ARHGAP24: variants seen among roughly 807,000 people sequenced by gnomAD.
ARHGAP24 encodes rho GTPase-activating protein 24.
ARHGAP24 carries 50 observed loss-of-function variants against 76.4 expected under a neutral mutation model. That is an observed-to-expected ratio of 0.65 (90% confidence interval 0.52 to 0.83). The LOEUF (loss-of-function observed/expected upper bound fraction) is 0.83. Ranked by LOEUF, ARHGAP24 falls within the 40% of genes least tolerant of loss-of-function variation. The pLI, the probability that ARHGAP24 is intolerant of heterozygous loss-of-function variation, is 0.00. For missense variants in ARHGAP24, 930 were observed against 914.2 expected (o/e 1.02, Z -0.22); for synonymous variants, 345 against 323.3 (o/e 1.07, Z -0.72).
chr4:85,930,377 T>G, intron 4 of ARHGAP24: 1 of 986,942 alleles, frequency 1.0e-6, no homozygotes, highest in African/African-American at 1.7e-5. Context: ...AAATCTATCA[T>G]GCACTGAAAT....
At chr4:85,658,636 G>A (rs770884615) in intron 2 of ARHGAP24, among the ~76,000 whole-genome samples, 28 of 152,156 alleles carry the variant, frequency 1.8e-4, no homozygotes, top group Non-Finnish European at 3.7e-4. Context: ...CCAACATTTA[G>A]ACTAATTTTA....
chr4:85,997,511 A>G (rs1740749986), intron 9 of ARHGAP24, among the ~76,000 whole-genome samples: 1 of 152,168 alleles, frequency 6.6e-6, no homozygotes, highest in African/African-American at 2.4e-5. Context: ...ATAGGTAGGT[A>G]GGTAAATAGG....
intron 4 of ARHGAP24, among the ~76,000 whole-genome samples, chr4:85,929,697 T>C (rs796721408): frequency 1.3e-5 from 2 of 152,336 alleles, no homozygotes; most frequent in African/African-American, 4.8e-5. Context: ...CACAGACTCT[T>C]TGCCACTGGA....
chr4:85,782,078 T>C (rs1000012327), intron 3 of ARHGAP24, among the ~76,000 whole-genome samples: 31 of 149,828 alleles, frequency 2.1e-4, no homozygotes, highest in Non-Finnish European at 4.1e-4. Context: ...AAAAAACAAT[T>C]GTCTAGAAAT....
Position 85,610,451 on chromosome 4 carries a change from C to CAAAAAAAAAAAAAAAAAAA in ARHGAP24, c.180+39743_180+39761dup, listed in dbSNP as rs57348830. 5.9e-5 allele frequency among the ~76,000 whole-genome samples: 3 copies of CAAAAAAAAAAAAAAAAAAA among 51,212 alleles called. 1 individual carries two copies. Among genetic ancestry groups the CAAAAAAAAAAAAAAAAAAA allele is most frequent in the African/African-American group, 2.4e-4 (3 of 12,360 alleles). 33.6% of individuals were successfully genotyped at this position (51,212 alleles called of 152,430 possible). On this transcript the variant is annotated intron_variant, in intron 2 of 9. Coordinates refer to ENST00000395184, the MANE Select transcript of ARHGAP24 (RefSeq NM_001025616.3). ...AGAGTGAGGAGTGAGACTCCATCTA[C>CAAAAAAAAAAAAAAAAAAA]AAAAAAAAAAAAAAAAAAAAAAAAA...
chr4:85,965,371 A>G (rs1292849067), intron 5 of ARHGAP24, among the ~76,000 whole-genome samples: 1 of 152,108 alleles, frequency 6.6e-6, no homozygotes, highest in Non-Finnish European at 1.5e-5. Context: ...CCCTCCCACA[A>G]CACGTGGGAA....
chr4:85,551,070 A>G (rs188734014), intron 1 of ARHGAP24, among the ~76,000 whole-genome samples: 5 of 152,290 alleles, frequency 3.3e-5, no homozygotes, highest in Non-Finnish European at 7.4e-5. Flanking sequence ...ACTATGTTGA[A>G]TAGGAGTGGT....
At chr4:85,988,032 G>GA (rs570717467) in intron 8 of ARHGAP24, among the ~76,000 whole-genome samples, 45 of 151,760 alleles carry the variant, frequency 3.0e-4, no homozygotes, top group African/African-American at 9.4e-4. Flanking sequence ...TTGAAGTACT[G>GA]AAAAAAATCT....
chr4:85,758,619 A>C lies in ARHGAP24; in HGVS notation c.268+36647A>C, dbSNP rs150973621. Reference sequence around the variant, plus strand: ...TGCTTTTAAAAGAGATGATCCTGGCACCTCATTGCACATGGGTGCGTTGGA... The same window carrying C: ...TGCTTTTAAAAGAGATGATCCTGGCCCCTCATTGCACATGGGTGCGTTGGA... On this transcript the variant is annotated intron_variant, in intron 3 of 9. Coordinates refer to ENST00000395184, the MANE Select transcript of ARHGAP24 (RefSeq NM_001025616.3). Among the ~76,000 whole-genome samples, 505 of 152,316 alleles carry C rather than the reference A, an allele frequency of 3.3e-3. 3 individuals are homozygous for C. The highest frequency in any genetic ancestry group is 0.011 in the African/African-American group (478 of 41,568).
At position 85,568,819 on chromosome 4, in the gene ARHGAP24, T is replaced by A. The variant is rs983931314; in HGVS notation, c.-20-1703T>A. Among the ~76,000 whole-genome samples, 23 of 152,340 alleles carry A rather than the reference T, an allele frequency of 1.5e-4. No homozygotes were observed. In the East Asian group the frequency reaches 3.5e-3, roughly 23 times the overall value. Reference sequence around the variant, plus strand: ...TGAGACAGAAAATAGTCAAGTGACCTCCTTGAAGTTTAAAAGTAGTTTAAG... The same window carrying A: ...TGAGACAGAAAATAGTCAAGTGACCACCTTGAAGTTTAAAAGTAGTTTAAG... On this transcript the variant is annotated intron_variant, in intron 1 of 9. Coordinates refer to ENST00000395184, the MANE Select transcript of ARHGAP24 (RefSeq NM_001025616.3).
At chr4:85,942,789 C>T (rs1578414905) in intron 5 of ARHGAP24, among the ~76,000 whole-genome samples, 1 of 151,702 alleles carries the variant, frequency 6.6e-6, no homozygotes, top group South Asian at 2.1e-4. Context: ...ATAATGGCAG[C>T]CCCAGAGAAG....
intron 3 of ARHGAP24, among the ~76,000 whole-genome samples, chr4:85,790,408 CA>C (rs1728063347): frequency 6.6e-6 from 1 of 152,096 alleles, no homozygotes; most frequent in Non-Finnish European, 1.5e-5. Flanking sequence ...ATCTTGAAAA[CA>C]ATCATTTGTC....
At chr4:85,529,816 G>T (rs1025593785) in intron 1 of ARHGAP24, among the ~76,000 whole-genome samples, 4 of 151,982 alleles carry the variant, frequency 2.6e-5, no homozygotes, top group African/African-American at 9.6e-5. Context: ...CCATTTGAAT[G>T]GTCAGCAAAA....
At chr4:85,558,319 G>C (rs1481774) in intron 1 of ARHGAP24, among the ~76,000 whole-genome samples, 1 of 152,320 alleles carries the variant, frequency 6.6e-6, no homozygotes, top group African/African-American at 2.4e-5. Flanking sequence ...AAAAAATTAT[G>C]TTTTATGTAG....
At chr4:85,987,007 T>C (rs1211610972) in intron 8 of ARHGAP24, among the ~76,000 whole-genome samples, 1 of 152,112 alleles carries the variant, frequency 6.6e-6, no homozygotes, top group Admixed American at 6.5e-5. Context: ...AACTATTCGG[T>C]ATGATGCTGG....
chr4:85,477,949 C>T (rs374681344), intron 1 of ARHGAP24, among the ~76,000 whole-genome samples: 60 of 152,282 alleles, frequency 3.9e-4, no homozygotes, highest in African/African-American at 1.0e-3. Flanking sequence ...GTTCTTTTCT[C>T]ATGAATTGAG....
chr4:85,846,730 T>A (rs1396800811), intron 3 of ARHGAP24, among the ~76,000 whole-genome samples: 1 of 152,170 alleles, frequency 6.6e-6, no homozygotes, highest in East Asian at 1.9e-4. Flanking sequence ...CTGAGAAAAA[T>A]TGATTTCTAG....
At chr4:85,711,604 A>G (rs193073838) in intron 2 of ARHGAP24, among the ~76,000 whole-genome samples, 1 of 152,322 alleles carries the variant, frequency 6.6e-6, no homozygotes, top group East Asian at 1.9e-4. Flanking sequence ...TCCTGCTGAG[A>G]CATTGTTCTC....
chr4:85,545,308 C>T (rs1725877152), intron 1 of ARHGAP24, among the ~76,000 whole-genome samples: 1 of 152,076 alleles, frequency 6.6e-6, no homozygotes, highest in African/African-American at 2.4e-5. Context: ...CCAAGTTGGC[C>T]AGGCTGGTCT....
Sources: allele counts gnomAD v4.1 joint callset (sites outside exome capture counted in the v4.1 genomes callset), GRCh38; gene constraint gnomAD v4.1.1; transcripts MANE v1.5; gene names NCBI Gene and HGNC (gene_info 2026-07-23, HGNC 2026-07-21).